The following CNTNAP4 variants were observed in gnomAD, a reference collection of about 807,000 sequenced individuals.
The protein encoded by CNTNAP4 is contactin-associated protein-like 4.
A neutral mutation model predicts 148.4 loss-of-function variants in CNTNAP4; 98 were observed. That is an observed-to-expected ratio of 0.66 (90% CI 0.56 to 0.78). The LOEUF (loss-of-function observed/expected upper bound fraction) is 0.78, where lower values mean the gene tolerates loss of function less well. Ranked by LOEUF, CNTNAP4 falls within the 30% of genes least tolerant of loss-of-function variation. The pLI is 0.00. For missense variants in CNTNAP4, 1,935 were observed against 1,565.6 expected, an observed-to-expected ratio of 1.24 and a Z score of -3.98; for synonymous variants, 730 against 565.1, an observed-to-expected ratio of 1.29 and a Z score of -4.14.
intron 2 of CNTNAP4, among the ~76,000 whole-genome samples, chr16:76,342,836 G>T (rs371542778): frequency 9.9e-5 from 15 of 152,258 alleles, no homozygotes; most frequent in African/African-American, 3.4e-4. Flanking sequence ...CAAATTTTCA[G>T]AAAACAGATA....
intron 15 of CNTNAP4, among the ~76,000 whole-genome samples, chr16:76,513,477 C>T (rs1480442419): frequency 6.6e-6 from 1 of 152,064 alleles, no homozygotes; most frequent in African/African-American, 2.4e-5. Flanking sequence ...TATACACAGT[C>T]CCACATAAGG....
intron 3 of CNTNAP4, among the ~76,000 whole-genome samples, chr16:76,392,556 C>T (rs2078063526): frequency 6.6e-6 from 1 of 151,926 alleles, no homozygotes. Flanking sequence ...GGAACACGTT[C>T]TTGAGGAAAT....
At chr16:76,317,868 T>G (rs1283736827) in intron 2 of CNTNAP4, among the ~76,000 whole-genome samples, 1 of 152,222 alleles carries the variant, frequency 6.6e-6, no homozygotes. Flanking sequence ...AGATACCTAC[T>G]TTTGTGTGCT....
At chr16:76,509,173 A>G (rs1172168727) in intron 15 of CNTNAP4, among the ~76,000 whole-genome samples, 1 of 97,586 alleles carries the variant, frequency 1.0e-5, no homozygotes, top group African/African-American at 2.6e-5. Context: ...ATGTTGGTAG[A>G]TATCTCTAGT....
At chr16:76,556,471 A>G (rs2085204155) in intron 23 of CNTNAP4, among the ~76,000 whole-genome samples, 4 of 152,298 alleles carry the variant, frequency 2.6e-5, no homozygotes, top group Admixed American at 1.3e-4. Flanking sequence ...CATGGAACAA[A>G]CAAGTTCCAG....
intron 4 of CNTNAP4, among the ~76,000 whole-genome samples, chr16:76,437,787 AAT>A (rs548402243): frequency 7.2e-4 from 110 of 152,158 alleles, no homozygotes; most frequent in Non-Finnish European, 1.5e-3. Flanking sequence ...AAAAATGAAT[AAT>A]AGAATTAGAA....
intron 3 of CNTNAP4, among the ~76,000 whole-genome samples, chr16:76,388,208 AGTTC>A: frequency 6.6e-6 from 1 of 152,360 alleles, no homozygotes; most frequent in Admixed American, 6.5e-5. Context: ...TTACCCAAAG[AGTTC>A]ATTACAGCAC....
chr16:76,332,885 A>G (rs988878073), intron 2 of CNTNAP4, among the ~76,000 whole-genome samples: 1 of 152,210 alleles, frequency 6.6e-6, no homozygotes, highest in Non-Finnish European at 1.5e-5. Flanking sequence ...GCGCTTGTAC[A>G]TAATGGAAAG....
At chr16:76,330,146 C>T (rs1963378223) in intron 2 of CNTNAP4, among the ~76,000 whole-genome samples, 2 of 152,294 alleles carry the variant, frequency 1.3e-5, no homozygotes, top group South Asian at 4.1e-4. Flanking sequence ...ACCTCCAAAC[C>T]AGCTGCTGCT....
chr16:76,462,139 A>T (rs373529337), intron 9 of CNTNAP4, 34 bp downstream of exon 9: 40 of 1,582,768 alleles, frequency 2.5e-5, no homozygotes, highest in Non-Finnish European at 3.4e-5. Context: ...TGAGCAACTG[A>T]ACCATATTTG....
intron 3 of CNTNAP4, among the ~76,000 whole-genome samples, chr16:76,416,148 C>T (rs1353076700): frequency 1.3e-5 from 2 of 151,068 alleles, no homozygotes; most frequent in Non-Finnish European, 3.0e-5. Context: ...TCTTTTCTTT[C>T]CCTTTTTTCC....
intron 8 of CNTNAP4, among the ~76,000 whole-genome samples, chr16:76,456,448 A>G (rs532266458): frequency 5.3e-5 from 8 of 152,374 alleles, no homozygotes; most frequent in Admixed American, 2.6e-4. Context: ...TTGGTCATTC[A>G]TAAGTATCAG....
chr16:76,324,737 C>A (rs927101530), intron 2 of CNTNAP4, among the ~76,000 whole-genome samples: 2 of 152,132 alleles, frequency 1.3e-5, no homozygotes, highest in Admixed American at 1.3e-4. Context: ...TTACTGATAG[C>A]TCTCTCCTGA....
intron 1 of CNTNAP4, among the ~76,000 whole-genome samples, chr16:76,308,125 T>G (rs199914317): frequency 2.8e-3 from 77 of 27,160 alleles, no homozygotes; most frequent in African/African-American, 0.012. Flanking sequence ...GCAGGAACAT[T>G]TTTTTTTTAG....
At chr16:76,429,352 C>T (rs946173888) in intron 4 of CNTNAP4, among the ~76,000 whole-genome samples, 1 of 152,124 alleles carries the variant, frequency 6.6e-6, no homozygotes, top group African/African-American at 2.4e-5. Flanking sequence ...TTATATTCTC[C>T]ACTTATTCAG....
intron 15 of CNTNAP4, among the ~76,000 whole-genome samples, chr16:76,511,217 G>A (rs1388483346): frequency 6.6e-6 from 1 of 151,960 alleles, no homozygotes; most frequent in East Asian, 1.9e-4. Flanking sequence ...TCATTACATT[G>A]AAATTTTATG....
chr16:76,403,357 G>A (rs4505371), intron 3 of CNTNAP4, among the ~76,000 whole-genome samples: 3 of 151,788 alleles, frequency 2.0e-5, no homozygotes, highest in African/African-American at 7.3e-5. Flanking sequence ...CCTCCCAAAG[G>A]GCTGGGATTA....
intron 15 of CNTNAP4, among the ~76,000 whole-genome samples, chr16:76,508,978 C>G (rs1193677566): frequency 5.2e-5 from 5 of 95,754 alleles, no homozygotes; most frequent in African/African-American, 1.3e-4. Context: ...GTCTCGATCT[C>G]CTGACCTTGT....
intron 3 of CNTNAP4, among the ~76,000 whole-genome samples, chr16:76,368,593 G>T (rs1198296053): frequency 6.6e-6 from 1 of 152,070 alleles, no homozygotes; most frequent in Non-Finnish European, 1.5e-5. Flanking sequence ...AATACAGCAT[G>T]TTCTCACTCA....
Sources: gnomAD v4.1 joint callset for allele counts (sites outside exome capture counted in the v4.1 genomes callset) on GRCh38, gnomAD v4.1.1 for gene constraint, MANE v1.5 for transcripts, NCBI Gene and HGNC (gene_info 2026-07-23, HGNC 2026-07-21) for gene names.